Variants in DIAPH2 observed in about 807,000 individuals in gnomAD.
DIAPH2 encodes the protein diaphanous related formin 2.
A neutral mutation model predicts 92.7 loss-of-function variants in DIAPH2; 35 were observed. The observed-to-expected ratio is 0.38, with a 90% CI of 0.29 to 0.50. The LOEUF is 0.50. DIAPH2 is among the 20% of genes least tolerant of loss of function. The pLI is 0.94. For synonymous variants in DIAPH2, 301 were observed against 280.4 expected, an observed-to-expected ratio of 1.07 and a Z score of -0.73; for missense variants, 701 against 819.5, an observed-to-expected ratio of 0.86 and a Z score of 1.77.
chrX:97,148,950 C>T (rs16982310), intron 22 of DIAPH2, among the ~76,000 whole-genome samples: 3,514 of 111,097 alleles, frequency 0.032, 143 homozygotes, highest in African/African-American at 0.11. Flanking sequence ...AACTTATGGA[C>T]GCCACCAAAC....
chrX:96,968,824 T>G (rs952215432), intron 17 of DIAPH2, among the ~76,000 whole-genome samples: 1 of 112,332 alleles, frequency 8.9e-6, no homozygotes, highest in Non-Finnish European at 1.9e-5. Flanking sequence ...AGAATGGTGT[T>G]TCCTAGGTTT....
intron 22 of DIAPH2, among the ~76,000 whole-genome samples, chrX:97,204,229 A>G (rs1028028127): frequency 8.9e-6 from 1 of 112,145 alleles, no homozygotes; most frequent in African/African-American, 3.2e-5. Context: ...CTGAATGGGC[A>G]ATAGCTGGAA....
chrX:97,166,131 T>C (rs968226471), intron 22 of DIAPH2, among the ~76,000 whole-genome samples: 4 of 111,764 alleles, frequency 3.6e-5, no homozygotes, highest in Admixed American at 2.9e-4. Context: ...AAAATTTATC[T>C]TACCCTTATC....
chrX:97,010,515 G>C (rs373944197), intron 17 of DIAPH2, among the ~76,000 whole-genome samples: 8 of 111,776 alleles, frequency 7.2e-5, no homozygotes, highest in Admixed American at 4.7e-4. Flanking sequence ...GTGTTCTTGT[G>C]GGGAGGATGA....
intron 22 of DIAPH2, among the ~76,000 whole-genome samples, chrX:97,157,826 G>A (rs1483567615): frequency 1.8e-5 from 2 of 112,088 alleles, no homozygotes; most frequent in African/African-American, 6.5e-5. Context: ...TATCATATTT[G>A]TATTTTGTGT....
chrX:97,253,684 A>T (rs1458493287), intron 23 of DIAPH2, among the ~76,000 whole-genome samples: 3 of 111,436 alleles, frequency 2.7e-5, no homozygotes, highest in African/African-American at 9.8e-5. Flanking sequence ...CGGGCAGCAG[A>T]GGTTGCAGTG....
chrX:97,048,162 C>T (rs2066497051), intron 17 of DIAPH2, among the ~76,000 whole-genome samples: 1 of 110,508 alleles, frequency 9.0e-6, no homozygotes, highest in South Asian at 3.9e-4. Context: ...TACTCAACTA[C>T]TGTTAAGCTC....
chrX:96,894,368 T>G (rs1315589042), intron 5 of DIAPH2, among the ~76,000 whole-genome samples: 2 of 111,011 alleles, frequency 1.8e-5, no homozygotes, highest in Admixed American at 9.6e-5. Context: ...CATCAAAAAC[T>G]ATTGAAGATT....
chrX:96,792,578 G>T (rs981685190), intron 4 of DIAPH2, among the ~76,000 whole-genome samples: 33 of 112,101 alleles, frequency 2.9e-4, no homozygotes, highest in African/African-American at 1.0e-3. Context: ...GTCCCAGAGG[G>T]TTTTATTTTT....
chrX:97,355,588 A>G (rs1192499919), intron 24 of DIAPH2, among the ~76,000 whole-genome samples: 1 of 111,251 alleles, frequency 9.0e-6, no homozygotes, highest in African/African-American at 3.3e-5. Context: ...TAAAATGGTA[A>G]TATTCTGAAA....
intron 22 of DIAPH2, among the ~76,000 whole-genome samples, chrX:97,165,582 C>T (rs1031892673): frequency 9.0e-6 from 1 of 110,730 alleles, no homozygotes; most frequent in African/African-American, 3.3e-5. Context: ...CAACCTCTGT[C>T]CCCCGGGCTC....
intron 23 of DIAPH2, among the ~76,000 whole-genome samples, chrX:97,279,210 C>T (rs756882019): frequency 9.0e-6 from 1 of 110,720 alleles, no homozygotes; most frequent in East Asian, 2.8e-4. Flanking sequence ...CCTGATTTTT[C>T]ATGTAAGAAC....
At chrX:96,968,654 T>C (rs1460898253) in intron 17 of DIAPH2, among the ~76,000 whole-genome samples, 1 of 112,375 alleles carries the variant, frequency 8.9e-6, no homozygotes, top group Non-Finnish European at 1.9e-5. Flanking sequence ...ATGCATAGTT[T>C]GTGAATATTT....
chrX:97,246,468 A>C (rs2068143443), intron 22 of DIAPH2, among the ~76,000 whole-genome samples: 1 of 112,170 alleles, frequency 8.9e-6, no homozygotes, highest in African/African-American at 3.2e-5. Flanking sequence ...AATTGGACAG[A>C]GCTATTTAAA....
chrX:96,874,423 A>G (rs1309018356), intron 4 of DIAPH2, among the ~76,000 whole-genome samples: 2 of 112,095 alleles, frequency 1.8e-5, no homozygotes, highest in Non-Finnish European at 3.8e-5. Flanking sequence ...ACTCACCCAT[A>G]TGCCCATTGT....
At chrX:96,921,697 G>GTTTTTTTTT (rs373282813) in intron 9 of DIAPH2, among the ~76,000 whole-genome samples, 1 of 88,020 alleles carries the variant, frequency 1.1e-5, no homozygotes, top group Admixed American at 1.3e-4. Context: ...TACCTTTATG[G>GTTTTTTTTT]TTTTTTTTTT....
chrX:97,218,404 A>G (rs1381809283), intron 22 of DIAPH2, among the ~76,000 whole-genome samples: 1 of 112,001 alleles, frequency 8.9e-6, no homozygotes, highest in Non-Finnish European at 1.9e-5. Flanking sequence ...CATGCTTTTC[A>G]TGTGAGATGA....
At chrX:97,182,248 A>G (rs1482445391) in intron 22 of DIAPH2, among the ~76,000 whole-genome samples, 1 of 111,869 alleles carries the variant, frequency 8.9e-6, no homozygotes, top group East Asian at 2.8e-4. Context: ...AAGAAAGTAC[A>G]GAGTAAAGTA....
intron 26 of DIAPH2, among the ~76,000 whole-genome samples, chrX:97,476,560 G>C (rs1477689631): frequency 9.0e-6 from 1 of 111,570 alleles, no homozygotes; most frequent in Non-Finnish European, 1.9e-5. Flanking sequence ...CAATATTTAA[G>C]AGCTTAAACA....
Sources: gnomAD v4.1 joint callset for allele counts (sites outside exome capture counted in the v4.1 genomes callset) on GRCh38, gnomAD v4.1.1 for gene constraint, MANE v1.5 for transcripts, NCBI Gene and HGNC (gene_info 2026-07-23, HGNC 2026-07-21) for gene names.